The following PPFIBP2 variants were observed in gnomAD, a reference collection of about 807,000 sequenced individuals.
PPFIBP2 encodes PPFIB scaffold protein 2, also known as liprin-beta-2.
A neutral mutation model predicts 118.3 loss-of-function variants in PPFIBP2; 118 were observed. The observed-to-expected ratio is 1.00, with a 90% CI of 0.86 to 1.16. PPFIBP2 has a LOEUF of 1.16. PPFIBP2 is among the 50% of genes most tolerant of loss of function. The pLI, the probability that PPFIBP2 is intolerant of heterozygous loss-of-function variation, is 0.00. For missense variants in PPFIBP2, 1,195 were observed against 1,073.1 expected (o/e 1.11, Z -1.59); for synonymous variants, 414 against 397.4 (o/e 1.04, Z -0.50).
intron 17 of PPFIBP2, among the ~76,000 whole-genome samples, chr11:7,644,193 G>A (rs895048943): frequency 6.6e-6 from 1 of 152,094 alleles, no homozygotes; most frequent in Non-Finnish European, 1.5e-5. Flanking sequence ...TTGTGACAAA[G>A]TATTTTTAGG....
At chr11:7,549,319 G>A (rs149816693) in intron 1 of PPFIBP2, 121 bp from the exon 2 acceptor site, 20 of 866,300 alleles carry the variant, frequency 2.3e-5, no homozygotes, top group Admixed American at 4.7e-5. Context: ...ACTACATGTC[G>A]GCTACTATGA....
downstream of PPFIBP2, among the ~76,000 whole-genome samples, chr11:7,659,445 A>C (rs1365902995): frequency 1.4e-5 from 2 of 145,166 alleles, no homozygotes; most frequent in Non-Finnish European, 3.0e-5. Context: ...GTCAAAGATC[A>C]GATAGTTGTA....
chr11:7,529,319 G>A (rs1850481192), intron 1 of PPFIBP2, among the ~76,000 whole-genome samples: 1 of 152,160 alleles, frequency 6.6e-6, no homozygotes, highest in Non-Finnish European at 1.5e-5. Context: ...GGGAAATGGA[G>A]TTAATGAGAC....
chr11:7,610,566 C>G (rs1267233455), intron 6 of PPFIBP2, 144 bp downstream of exon 6: 3 of 1,186,856 alleles, frequency 2.5e-6, no homozygotes, highest in Admixed American at 2.2e-5. Context: ...TCTGTTAATA[C>G]CAAGTTATCA....
At position 7,653,580 on chromosome 11, in the gene PPFIBP2, C is replaced by G; in HGVS notation, c.*362C>G. On this transcript the variant is annotated 3_prime_UTR_variant, in exon 24 of 24. Transcript: ENST00000299492. ...CACGAGGCTCAGCTCTCAGGCACCC[C>G]CTACACTTCAGTTGAGGGAAAAGCT... 1.5e-6 allele frequency: 2 copies of G among 1,305,682 alleles called. No individual in the cohort carries two copies. Among genetic ancestry groups the G allele is most frequent in the South Asian group, 1.2e-5 (1 of 81,156 alleles). 80.9% of individuals were successfully genotyped at this position (1,305,682 alleles called of 1,614,324 possible).
chr11:7,617,156 G>A, intron 6 of PPFIBP2: 1 of 984,918 alleles, frequency 1.0e-6, no homozygotes, highest in Non-Finnish European at 1.2e-6. Context: ...AGATGTGTAG[G>A]CTGCAGCTGG....
intron 4 of PPFIBP2, among the ~76,000 whole-genome samples, chr11:7,596,931 G>C (rs1860431272): frequency 1.3e-5 from 2 of 152,162 alleles, no homozygotes; most frequent in African/African-American, 4.8e-5. Flanking sequence ...TCTTCAGAAA[G>C]ATGACTTTTT....
At chr11:7,663,640 G>A in the PPFIBP2 span, among the ~76,000 whole-genome samples, 2 of 152,232 alleles carry the variant, frequency 1.3e-5, no homozygotes, top group Non-Finnish European at 2.9e-5. Flanking sequence ...AGCCTACAGA[G>A]GCAGGCAGGC....
At chr11:7,515,551 G>A (rs992546138) in intron 1 of PPFIBP2, among the ~76,000 whole-genome samples, 25 of 152,218 alleles carry the variant, frequency 1.6e-4, no homozygotes, top group Admixed American at 1.6e-3. Context: ...GATCCCTCCT[G>A]GGGTTTTTGA....
At chr11:7,573,709 C>T (rs887763729) in intron 3 of PPFIBP2, among the ~76,000 whole-genome samples, 3 of 152,216 alleles carry the variant, frequency 2.0e-5, no homozygotes, top group African/African-American at 4.8e-5. Flanking sequence ...TCCCCCGCCT[C>T]CCCTTCTCAG....
At chr11:7,647,008 T>G (rs1853183397) in intron 17 of PPFIBP2, among the ~76,000 whole-genome samples, 1 of 152,162 alleles carries the variant, frequency 6.6e-6, no homozygotes, top group African/African-American at 2.4e-5. Context: ...TAAAATATTT[T>G]CAGGACCCAT....
At chr11:7,605,457 G>A (rs1847221188) in intron 5 of PPFIBP2, among the ~76,000 whole-genome samples, 5 of 152,204 alleles carry the variant, frequency 3.3e-5, no homozygotes. Flanking sequence ...TGGAAGATCA[G>A]CTGTAATTAG....
At chr11:7,607,410 A>T (rs1847525111) in intron 5 of PPFIBP2, among the ~76,000 whole-genome samples, 1 of 151,342 alleles carries the variant, frequency 6.6e-6, no homozygotes, top group Admixed American at 6.6e-5. Context: ...TTGTAGAGGC[A>T]GGGTTCCACT....
chr11:7,551,492 C>T (rs1273456884), intron 2 of PPFIBP2, among the ~76,000 whole-genome samples: 2 of 152,094 alleles, frequency 1.3e-5, no homozygotes, highest in African/African-American at 4.8e-5. Flanking sequence ...TCACCAATAC[C>T]ACACTGTGTT....
In PPFIBP2 at chr11:7,582,224, TG is replaced by T. The variant is rs549958790; in HGVS notation, c.280-10906del. On this transcript the variant is annotated intron_variant, in intron 3 of 23. Transcript: ENST00000299492. ...GACATCGATCAGAACTGACAACCTC[TG>T]GTTACTCGGGAGCCAGGTACCCAAC... 6.7e-4 allele frequency among the ~76,000 whole-genome samples: 102 copies of T among 152,302 alleles called. 1 individual carries two copies. The highest frequency in any genetic ancestry group is 2.4e-3 in the African/African-American group (100 of 41,580).
the PPFIBP2 span, chr11:7,666,634 G>A: frequency 1.4e-5 from 12 of 879,836 alleles, no homozygotes; most frequent in East Asian, 3.2e-4. Flanking sequence ...GCATACTCCT[G>A]GCCAAAGCTG....
chr11:7,578,284 G>A (rs972915673), intron 3 of PPFIBP2, among the ~76,000 whole-genome samples: 9 of 152,210 alleles, frequency 5.9e-5, no homozygotes, highest in Non-Finnish European at 1.2e-4. Flanking sequence ...CTCTTTTGTG[G>A]CTGCCTTTAA....
rs143138781 is a variant in PPFIBP2, at chr11:7,531,679, T to C, written c.-37+17558T>C. Among the ~76,000 whole-genome samples, 1,464 of 152,226 alleles carry C rather than the reference T, an allele frequency of 9.6e-3. 25 individuals are homozygous for C. Among genetic ancestry groups the C allele is most frequent in the African/African-American group, 0.033 (1,363 of 41,524 alleles). ...GTGTGTAGGATCAAATGGGGGTGTG[T>C]GTTAGTTTGCTTGGGCTGCCATAAC... On this transcript the variant is annotated intron_variant, in intron 1 of 23. Coordinates refer to ENST00000299492, the MANE Select transcript of PPFIBP2 (RefSeq NM_003621.5).
intron 6 of PPFIBP2, chr11:7,617,193 C>G: frequency 1.0e-6 from 1 of 985,434 alleles, no homozygotes; most frequent in Non-Finnish European, 1.2e-6. Flanking sequence ...TCAAGAGCGC[C>G]TGTTACTCAG....
Sources: gnomAD v4.1 joint callset for allele counts (sites outside exome capture counted in the v4.1 genomes callset) on GRCh38, gnomAD v4.1.1 for gene constraint, MANE v1.5 for transcripts, NCBI Gene and HGNC (gene_info 2026-07-23, HGNC 2026-07-21) for gene names.